Variants in SMYD3 observed in about 807,000 individuals in gnomAD.
SMYD3 encodes SET and MYND domain containing 3.
A neutral mutation model predicts 57.7 loss-of-function variants in SMYD3; 36 were observed. The ratio of observed to expected loss-of-function variants is 0.62; its 90% CI spans 0.48 to 0.82. The LOEUF is 0.82. Ranked by LOEUF, SMYD3 falls within the 40% of genes least tolerant of loss-of-function variation. SMYD3 has a pLI of 0.00. For missense variants in SMYD3, 515 were observed against 538.8 expected, an observed-to-expected ratio of 0.96 and a Z score of 0.44; for synonymous variants, 211 against 195.0, an observed-to-expected ratio of 1.08 and a Z score of -0.68.
rs552690608 is a variant in SMYD3 at position 246,170,540 on chromosome 1, G to A, written c.531+156661C>T. Among the ~76,000 whole-genome samples, 37 of 151,356 alleles carry A rather than the reference G, an allele frequency of 2.4e-4. 1 individual carries two copies. In the East Asian group the frequency reaches 4.3e-3, roughly 17 times the overall value. On this transcript the variant is annotated intron_variant, in intron 5 of 11. Coordinates refer to ENST00000490107, the MANE Select transcript of SMYD3 (RefSeq NM_001167740.2). ...GGCCTACTTAGGAATTCTACTATGA[G>A]TAATTTTTGACTCGATAAATATTTC...
At chr1:246,332,729 G>A (rs1359883071) in intron 3 of SMYD3, among the ~76,000 whole-genome samples, 1 of 152,190 alleles carries the variant, frequency 6.6e-6, no homozygotes, top group Non-Finnish European at 1.5e-5. Flanking sequence ...AATCGCTTGA[G>A]CCTAAGAGGC....
chr1:246,447,083 G>T (rs776440913), intron 1 of SMYD3, among the ~76,000 whole-genome samples: 1 of 150,272 alleles, frequency 6.7e-6, no homozygotes, highest in South Asian at 2.1e-4. Flanking sequence ...CCATAACTTA[G>T]AGCAAGTTTT....
chr1:245,799,319 G>T (rs1448519723), intron 10 of SMYD3, among the ~76,000 whole-genome samples: 2 of 152,164 alleles, frequency 1.3e-5, no homozygotes, highest in African/African-American at 4.8e-5. Flanking sequence ...CACCATGTCT[G>T]ATGCACTCAG....
intron 1 of SMYD3, among the ~76,000 whole-genome samples, chr1:246,494,871 T>C (rs2068331812): frequency 1.3e-5 from 2 of 152,196 alleles, no homozygotes; most frequent in African/African-American, 4.8e-5. Flanking sequence ...CAATGTCCAG[T>C]TTAAAACTGA....
intron 10 of SMYD3, among the ~76,000 whole-genome samples, chr1:245,787,727 C>T (rs1055420197): frequency 6.6e-6 from 1 of 151,992 alleles, no homozygotes; most frequent in African/African-American, 2.4e-5. Flanking sequence ...TTCTTATCAA[C>T]TCAAAACAAT....
chr1:245,904,721 TGGACTTA>T (rs2054437938), intron 8 of SMYD3, among the ~76,000 whole-genome samples: 1 of 151,936 alleles, frequency 6.6e-6, no homozygotes. Flanking sequence ...CCAGAGACAG[TGGACTTA>T]GGGGGCATGC....
chr1:246,155,051 GAT>G (rs1193005540), intron 5 of SMYD3, among the ~76,000 whole-genome samples: 2 of 152,052 alleles, frequency 1.3e-5, no homozygotes, highest in African/African-American at 4.8e-5. Context: ...AAAGTGCTGG[GAT>G]TACAGGCATG....
chr1:246,220,549 C>T (rs1470345324), intron 5 of SMYD3, among the ~76,000 whole-genome samples: 1 of 152,162 alleles, frequency 6.6e-6, no homozygotes, highest in Non-Finnish European at 1.5e-5. Flanking sequence ...GCTTCAGCTG[C>T]CTGGCTTCTC....
chr1:246,326,716 A>C (rs2065359369), intron 5 of SMYD3: 1 of 287,494 alleles, frequency 3.5e-6, no homozygotes, highest in African/African-American at 2.2e-5. Flanking sequence ...GTGAGCCGAG[A>C]TCGCACCACT....
intron 1 of SMYD3, among the ~76,000 whole-genome samples, chr1:246,403,679 A>G (rs1428812796): frequency 6.6e-6 from 1 of 152,228 alleles, no homozygotes; most frequent in Admixed American, 6.5e-5. Context: ...AAAAACTGAT[A>G]AAGTGTGGTC....
At chr1:245,768,570 G>A (rs1316671461) in intron 10 of SMYD3, among the ~76,000 whole-genome samples, 1 of 152,206 alleles carries the variant, frequency 6.6e-6, no homozygotes, top group Non-Finnish European at 1.5e-5. Flanking sequence ...CTACTGCTTT[G>A]GTTTGAATGT....
intron 5 of SMYD3, among the ~76,000 whole-genome samples, chr1:245,990,810 A>G (rs1295471703): frequency 6.6e-6 from 1 of 152,226 alleles, no homozygotes; most frequent in African/African-American, 2.4e-5. Context: ...GAGCTGTAAG[A>G]TAACACGTGT....
Position 246,499,401 on chromosome 1 carries a change from T to TACACAC in SMYD3, c.164+7647_164+7652dup, listed in dbSNP as rs74163453. ...TTTTAAGTAACCAAACCATCAAATATACACACACACACACACACACACACA... is the reference window on the plus strand; with the variant it reads ...TTTTAAGTAACCAAACCATCAAATATACACACACACACACACACACACACACACACA... On this transcript the variant is annotated intron_variant, in intron 1 of 11. Coordinates refer to ENST00000490107, the MANE Select transcript of SMYD3 (RefSeq NM_001167740.2). 5.6e-3 allele frequency among the ~76,000 whole-genome samples: 817 copies of TACACAC among 145,864 alleles called. 13 individuals carry two copies. Among genetic ancestry groups the TACACAC allele is most frequent in the African/African-American group, 0.019 (759 of 39,354 alleles).
chr1:246,219,279 A>G (rs2063214775), intron 5 of SMYD3, among the ~76,000 whole-genome samples: 1 of 152,096 alleles, frequency 6.6e-6, no homozygotes, highest in African/African-American at 2.4e-5. Context: ...CAGCCAGCAG[A>G]GAGAAGAGAA....
intron 5 of SMYD3, among the ~76,000 whole-genome samples, chr1:246,260,314 C>T (rs1415090008): frequency 1.3e-5 from 2 of 152,230 alleles, no homozygotes; most frequent in Admixed American, 1.3e-4. Flanking sequence ...GGCCTCCCTA[C>T]ACCAGGATCT....
At chr1:245,756,067 T>C (rs1167760115) in intron 11 of SMYD3, among the ~76,000 whole-genome samples, 1 of 149,424 alleles carries the variant, frequency 6.7e-6, no homozygotes, top group Non-Finnish European at 1.5e-5. Context: ...TTTATATAGT[T>C]TTGTGGTTGC....
intron 5 of SMYD3, among the ~76,000 whole-genome samples, chr1:246,159,637 G>A (rs1238317827): frequency 6.6e-6 from 1 of 152,152 alleles, no homozygotes; most frequent in Admixed American, 6.5e-5. Context: ...AGCCATGTCT[G>A]CTGAAGCATC....
intron 5 of SMYD3, among the ~76,000 whole-genome samples, chr1:246,148,126 G>A (rs965786058): frequency 1.3e-5 from 2 of 152,150 alleles, no homozygotes; most frequent in African/African-American, 2.4e-5. Context: ...GCCAGTCCGG[G>A]ACCGGAGTGG....
intron 1 of SMYD3, among the ~76,000 whole-genome samples, chr1:246,401,334 T>A (rs548219291): frequency 6.6e-6 from 1 of 152,000 alleles, no homozygotes; most frequent in Admixed American, 6.5e-5. Context: ...CCATCTCTAT[T>A]TAAACTTTTT....
Sources: gnomAD v4.1 joint callset for allele counts (sites outside exome capture counted in the v4.1 genomes callset) on GRCh38, gnomAD v4.1.1 for gene constraint, MANE v1.5 for transcripts, NCBI Gene and HGNC (gene_info 2026-07-23, HGNC 2026-07-21) for gene names.